Variants in ACCSL observed in about 807,000 individuals in gnomAD.
The protein encoded by ACCSL is 1-aminocyclopropane-1-carboxylate synthase homolog (inactive) like.
ACCSL carries 55 observed loss-of-function variants against 61.7 expected under a neutral mutation model. That is an observed-to-expected ratio of 0.89 (90% CI 0.72 to 1.12). The LOEUF is 1.12. Ranked by LOEUF, ACCSL falls within the 50% of genes most tolerant of loss-of-function variation. ACCSL has a pLI of 0.00. For missense variants in ACCSL, 632 were observed against 698.0 expected, an observed-to-expected ratio of 0.91 and a Z score of 1.07; for synonymous variants, 258 against 264.3, an observed-to-expected ratio of 0.98 and a Z score of 0.23.
At chr11:43,982,415 A>G in the ACCSL span, among the ~76,000 whole-genome samples, 1 of 151,408 alleles carries the variant, frequency 6.6e-6, no homozygotes, top group Non-Finnish European at 1.5e-5. Context: ...TTTAGTAGAG[A>G]CAGGGTTTCA....
At chr11:44,047,160 G>A (rs749680172), upstream of ACCSL, among the ~76,000 whole-genome samples, 1 of 152,148 alleles carries the variant, frequency 6.6e-6, no homozygotes, top group Non-Finnish European at 1.5e-5. Flanking sequence ...TTCCTACCAC[G>A]CCCTCCAGGT....
the ACCSL span, among the ~76,000 whole-genome samples, chr11:44,030,372 G>A: frequency 1.3e-5 from 2 of 151,236 alleles, no homozygotes; most frequent in East Asian, 4.0e-4. Flanking sequence ...GGACACAGAC[G>A]TCCAGAAGCC....
the ACCSL span, among the ~76,000 whole-genome samples, chr11:44,032,063 A>G: frequency 6.6e-6 from 1 of 152,196 alleles, no homozygotes; most frequent in Non-Finnish European, 1.5e-5. Flanking sequence ...GCTGTGTGAC[A>G]AACTGTCCTC....
chr11:43,925,213 A>G, the ACCSL span: 1 of 361,192 alleles, frequency 2.8e-6, no homozygotes, highest in Admixed American at 3.4e-5. Context: ...ACTCCCGTGC[A>G]CATACTGCCC....
At chr11:44,019,364 A>G in the ACCSL span, among the ~76,000 whole-genome samples, 1 of 152,204 alleles carries the variant, frequency 6.6e-6, no homozygotes. Context: ...TGTTTTCCAA[A>G]GTGGCTGCAT....
chr11:43,982,076 G>A, the ACCSL span, among the ~76,000 whole-genome samples: 1 of 152,024 alleles, frequency 6.6e-6, no homozygotes, highest in Non-Finnish European at 1.5e-5. Flanking sequence ...TGGGTTCTCG[G>A]GTGACAGAGC....
chr11:44,040,023 G>T, the ACCSL span, among the ~76,000 whole-genome samples: 1 of 152,238 alleles, frequency 6.6e-6, no homozygotes, highest in Non-Finnish European at 1.5e-5. Flanking sequence ...AACCAGAAAG[G>T]CTAGGTGGGT....
the ACCSL span, among the ~76,000 whole-genome samples, chr11:44,021,944 TCTGGGTTCTCTCTTCTGTTCC>T: frequency 2.0e-5 from 3 of 152,380 alleles, no homozygotes; most frequent in Non-Finnish European, 4.4e-5. Context: ...TGGCTTTATT[TCTGGGTTCTCTCTTCTGTTCC>T]ATTGGTTTAT....
chr11:44,027,525 C>T, the ACCSL span, among the ~76,000 whole-genome samples: 1 of 152,162 alleles, frequency 6.6e-6, no homozygotes, highest in Non-Finnish European at 1.5e-5. Context: ...TTTTGCCTGG[C>T]ACAGAGTAAG....
chr11:44,021,493 A>G, the ACCSL span, among the ~76,000 whole-genome samples: 6 of 151,778 alleles, frequency 4.0e-5, no homozygotes, highest in Admixed American at 3.9e-4. Context: ...GATTTGTTTG[A>G]GTTCCTTGTA....
the ACCSL span, among the ~76,000 whole-genome samples, chr11:43,929,643 G>C: frequency 6.6e-6 from 1 of 152,244 alleles, no homozygotes. Context: ...CTGACCTCAG[G>C]TGATCCACCC....
intron 4 of ACCSL, 76 bp from the exon 5 acceptor site, chr11:44,051,577 G>A: frequency 1.3e-6 from 2 of 1,590,170 alleles, no homozygotes; most frequent in Non-Finnish European, 1.7e-6. Flanking sequence ...TCTGCCCAGG[G>A]GGATGGAGAA....
At chr11:44,031,043 C>T in the ACCSL span, among the ~76,000 whole-genome samples, 15 of 152,176 alleles carry the variant, frequency 9.9e-5, no homozygotes, top group Non-Finnish European at 1.5e-4. Flanking sequence ...TGTTGTTTCC[C>T]TCCATTGGGG....
the ACCSL span, chr11:43,925,321 G>C: frequency 2.2e-6 from 1 of 455,128 alleles, no homozygotes; most frequent in Middle Eastern, 3.3e-4. Flanking sequence ...CACTCTGAGA[G>C]GCCTGGTGAC....
At chr11:43,936,134 G>A in the ACCSL span, among the ~76,000 whole-genome samples, 1 of 152,206 alleles carries the variant, frequency 6.6e-6, no homozygotes, top group African/African-American at 2.4e-5. Flanking sequence ...CAAGGTCCCC[G>A]AGGGCCACGT....
chr11:43,929,932 A>G, the ACCSL span, among the ~76,000 whole-genome samples: 1 of 152,072 alleles, frequency 6.6e-6, no homozygotes, highest in Non-Finnish European at 1.5e-5. Context: ...GAAAGGGAGG[A>G]CCCAGCCTGA....
At chr11:43,980,248 A>G in the ACCSL span, among the ~76,000 whole-genome samples, 3 of 152,180 alleles carry the variant, frequency 2.0e-5, no homozygotes, top group African/African-American at 4.8e-5. Flanking sequence ...TCTTGGCACA[A>G]TATAGTGATG....
chr11:43,965,135 G>A, the ACCSL span, among the ~76,000 whole-genome samples: 1 of 152,148 alleles, frequency 6.6e-6, no homozygotes, highest in Non-Finnish European at 1.5e-5. Flanking sequence ...AAATTGGAAA[G>A]GAAGAAGTAA....
chr11:43,994,033 G>A, the ACCSL span, among the ~76,000 whole-genome samples: 1 of 152,210 alleles, frequency 6.6e-6, no homozygotes, highest in African/African-American at 2.4e-5. Flanking sequence ...AGATGAATGT[G>A]CATTTCTGAC....
Sources: gnomAD v4.1 joint callset for allele counts (sites outside exome capture counted in the v4.1 genomes callset) on GRCh38, gnomAD v4.1.1 for gene constraint, MANE v1.5 for transcripts, NCBI Gene and HGNC (gene_info 2026-07-23, HGNC 2026-07-21) for gene names.